The following CTNNA2 variants were observed in gnomAD, a reference collection of about 807,000 sequenced individuals.
The protein encoded by CTNNA2 is catenin alpha-2.
In CTNNA2, 42 loss-of-function variants were observed where a neutral mutation model predicts 101.0. That is an observed-to-expected ratio of 0.42 (90% CI 0.32 to 0.54). The LOEUF is 0.54. CTNNA2 is among the 20% of genes least tolerant of loss of function. The probability of loss-of-function intolerance (pLI) is 0.14; values close to 1 mark genes in which losing one functional copy is unlikely to be tolerated. For missense variants in CTNNA2, 871 were observed against 1,223.1 expected (o/e 0.71, Z 4.29); for synonymous variants, 450 against 456.4 (o/e 0.99, Z 0.18).
intron 7 of CTNNA2, among the ~76,000 whole-genome samples, chr2:80,261,985 T>G (rs559269649): frequency 6.6e-6 from 1 of 152,312 alleles, no homozygotes; most frequent in Non-Finnish European, 1.5e-5. Context: ...GTTACTGTGT[T>G]GAAGTGTATT....
In CTNNA2 at chr2:80,368,847, ATGTG is replaced by A. The variant is rs538992921; in HGVS notation, c.1057-24346_1057-24343del. On this transcript the variant is annotated intron_variant, in intron 7 of 18. Transcript: ENST00000402739. ...TATATATATATGTGTGTGTGTATATATGTGTGTGTGTGTGTGTGTGTATATATAT... is the reference window on the plus strand; with the variant it reads ...TATATATATATGTGTGTGTGTATATATGTGTGTGTGTGTGTGTATATATAT... Among the ~76,000 whole-genome samples, 654 of 134,636 alleles carry A rather than the reference ATGTG, an allele frequency of 4.9e-3. 1 individual carries two copies. The highest frequency in any genetic ancestry group is 7.0e-3 in the Non-Finnish European group (456 of 64,960). 88.3% of individuals were successfully genotyped at this position (134,636 alleles called of 152,430 possible).
At chr2:80,436,492 A>G (rs1682042368) in intron 9 of CTNNA2, among the ~76,000 whole-genome samples, 1 of 152,132 alleles carries the variant, frequency 6.6e-6, no homozygotes, top group Non-Finnish European at 1.5e-5. Flanking sequence ...CATGGGTTCA[A>G]ATACATATAT....
chr2:79,295,796 T>C (rs1339981160), intron 2 of CTNNA2, among the ~76,000 whole-genome samples: 12 of 152,034 alleles, frequency 7.9e-5, no homozygotes, highest in Non-Finnish European at 5.9e-5. Context: ...CTCAAGGAAC[T>C]CTTTCTTCTT....
In CTNNA2 at chr2:79,277,311, C is replaced by A. The variant is rs552616121; in HGVS notation, c.-405-35398C>A. The stretch of plus-strand genomic sequence containing the variant: ...TGAATATACGGCTGCTTCTGGCTTG[C>A]CTCTGTGAATCCACACGGCTGATCG... On this transcript the variant is annotated intron_variant, in intron 2 of 21. Coordinates refer to the CTNNA2 transcript ENST00000466387. Among the ~76,000 whole-genome samples the A allele has an allele frequency of 1.5e-3, 224 of 152,118 alleles. 1 individual carries two copies. Among genetic ancestry groups the A allele is most frequent in the African/African-American group, 5.0e-3 (208 of 41,528 alleles).
chr2:80,136,469 T>C (rs1702702608), intron 7 of CTNNA2, among the ~76,000 whole-genome samples: 1 of 152,182 alleles, frequency 6.6e-6, no homozygotes, highest in South Asian at 2.1e-4. Flanking sequence ...GGACTCTTCC[T>C]TCTTGTGGTT....
At chr2:80,268,470 G>A (rs908729916) in intron 7 of CTNNA2, among the ~76,000 whole-genome samples, 1 of 152,076 alleles carries the variant, frequency 6.6e-6, no homozygotes, top group African/African-American at 2.4e-5. Context: ...TTCCTTATTG[G>A]TTTTCATTTA....
intron 8 of CTNNA2, among the ~76,000 whole-genome samples, chr2:80,418,537 G>A (rs373568915): frequency 1.2e-4 from 18 of 152,222 alleles, no homozygotes; most frequent in East Asian, 7.7e-4. Flanking sequence ...ATAGTAATTC[G>A]TGCAAAAAGG....
At chr2:79,192,528 T>C (rs976828265) in intron 1 of CTNNA2, among the ~76,000 whole-genome samples, 2 of 152,202 alleles carry the variant, frequency 1.3e-5, no homozygotes, top group African/African-American at 4.8e-5. Context: ...TAACCAAGTG[T>C]TGCCTATAGT....
At chr2:80,260,538 C>T (rs983714105) in intron 7 of CTNNA2, among the ~76,000 whole-genome samples, 1 of 152,160 alleles carries the variant, frequency 6.6e-6, no homozygotes, top group African/African-American at 2.4e-5. Flanking sequence ...TTGAAGGAAC[C>T]TCTCTTCTTA....
intron 9 of CTNNA2, among the ~76,000 whole-genome samples, chr2:80,500,425 A>G (rs1026727981): frequency 6.6e-6 from 1 of 152,088 alleles, no homozygotes; most frequent in Admixed American, 6.5e-5. Flanking sequence ...CTATCTGTCC[A>G]TCCATTTCTT....
intron 7 of CTNNA2, among the ~76,000 whole-genome samples, chr2:80,221,586 T>A (rs1462614924): frequency 6.6e-6 from 1 of 152,230 alleles, no homozygotes; most frequent in African/African-American, 2.4e-5. Context: ...ATGAGCCACT[T>A]ATTCCTGATA....
At chr2:80,623,235 G>A (rs971975211) in intron 18 of CTNNA2, among the ~76,000 whole-genome samples, 1 of 151,764 alleles carries the variant, frequency 6.6e-6, no homozygotes, top group African/African-American at 2.4e-5. Context: ...GATATTCCCT[G>A]TTCTACGTAT....
At chr2:79,248,401 A>G (rs1036925603) in intron 2 of CTNNA2, among the ~76,000 whole-genome samples, 1 of 151,746 alleles carries the variant, frequency 6.6e-6, no homozygotes, top group African/African-American at 2.4e-5. Context: ...TCTATATATA[A>G]TATAAAAATT....
At chr2:80,114,432 G>T (rs1701398859) in intron 7 of CTNNA2, among the ~76,000 whole-genome samples, 1 of 152,166 alleles carries the variant, frequency 6.6e-6, no homozygotes, top group South Asian at 2.1e-4. Context: ...GCAGATGGTA[G>T]ATTTTCTCTG....
At chr2:79,883,805 C>A (rs1045966067) in intron 6 of CTNNA2, among the ~76,000 whole-genome samples, 1 of 152,006 alleles carries the variant, frequency 6.6e-6, no homozygotes, top group Non-Finnish European at 1.5e-5. Flanking sequence ...TCATGAAGCT[C>A]CTTTCCAATA....
At chr2:80,367,851 A>G (rs1399566231) in intron 7 of CTNNA2, among the ~76,000 whole-genome samples, 4 of 152,042 alleles carry the variant, frequency 2.6e-5, no homozygotes, top group African/African-American at 9.7e-5. Flanking sequence ...GCTGAGTAGG[A>G]TATCAGAAAT....
chr2:79,920,830 G>A (rs1686600993), intron 7 of CTNNA2, among the ~76,000 whole-genome samples: 1 of 152,200 alleles, frequency 6.6e-6, no homozygotes, highest in African/African-American at 2.4e-5. Flanking sequence ...GTGATGCAAA[G>A]CATGTCACTT....
chr2:79,727,155 A>G (rs1037547899), intron 2 of CTNNA2, among the ~76,000 whole-genome samples: 1 of 149,916 alleles, frequency 6.7e-6, no homozygotes, highest in Non-Finnish European at 1.5e-5. Flanking sequence ...AAAAATGTAA[A>G]GAAAATACAT....
chr2:80,372,866 T>G (rs990308841), intron 7 of CTNNA2, among the ~76,000 whole-genome samples: 1 of 152,212 alleles, frequency 6.6e-6, no homozygotes, highest in Non-Finnish European at 1.5e-5. Flanking sequence ...TGTCTGGAGA[T>G]ATTTTAGATT....
Sources: gnomAD v4.1 joint callset for allele counts (sites outside exome capture counted in the v4.1 genomes callset) on GRCh38, gnomAD v4.1.1 for gene constraint, MANE v1.5 for transcripts, NCBI Gene and HGNC (gene_info 2026-07-23, HGNC 2026-07-21) for gene names.